Variants in KIRREL3 observed in about 807,000 individuals in gnomAD.
KIRREL3 encodes kirre like nephrin family adhesion molecule 3, also known as kin of IRRE-like protein 3.
Under a neutral mutation model 89.7 loss-of-function variants are expected in KIRREL3, and 36 were observed. The observed-to-expected ratio is 0.40, with a 90% CI of 0.31 to 0.53. The LOEUF (loss-of-function observed/expected upper bound fraction) is 0.53. Among genes scored for constraint, KIRREL3 ranks in the 20% least tolerant of loss-of-function variants. KIRREL3 has a pLI of 0.49. For synonymous variants in KIRREL3, 445 were observed against 441.4 expected (o/e 1.01, Z -0.10); for missense variants, 864 against 1,056.6 (o/e 0.82, Z 2.53).
intron 1 of KIRREL3, among the ~76,000 whole-genome samples, chr11:126,901,524 A>G (rs894193300): frequency 6.6e-6 from 1 of 152,170 alleles, no homozygotes; most frequent in Non-Finnish European, 1.5e-5. Flanking sequence ...CAATTCAGTG[A>G]GCAACGATGG....
chr11:126,811,775 T>C lies in KIRREL3; in HGVS notation c.55+188680A>G, dbSNP rs371213730. Among the ~76,000 whole-genome samples the C allele has an allele frequency of 8.6e-5, 13 of 152,014 alleles. No homozygotes were observed. Among genetic ancestry groups the C allele is most frequent in the African/African-American group, 2.7e-4 (11 of 41,390 alleles). On this transcript the variant is annotated intron_variant, in intron 1 of 16. Coordinates refer to ENST00000525144, the MANE Select transcript of KIRREL3 (RefSeq NM_032531.4). The surrounding 1 kb of genome is among the most constrained non-coding windows in gnomAD (Gnocchi z 4.3). The stretch of plus-strand genomic sequence containing the variant: ...CTAATTTTTGTACCTTTAGTAGAGA[T>C]GGGGTTGCACTATATTGGCCAGGCT...
At chr11:126,439,083 T>C (rs1955464672) in intron 11 of KIRREL3, among the ~76,000 whole-genome samples, 1 of 152,210 alleles carries the variant, frequency 6.6e-6, no homozygotes, top group Non-Finnish European at 1.5e-5. Context: ...TTTAGATGGA[T>C]TTGAGTACAA....
At chr11:126,732,624 G>A (rs1948666222) in intron 1 of KIRREL3, among the ~76,000 whole-genome samples, 1 of 152,196 alleles carries the variant, frequency 6.6e-6, no homozygotes. Flanking sequence ...TTGAATTCCT[G>A]CTCTCTGGAG....
At chr11:126,732,773 G>C (rs980900460) in intron 1 of KIRREL3, among the ~76,000 whole-genome samples, 2 of 152,218 alleles carry the variant, frequency 1.3e-5, no homozygotes, top group Non-Finnish European at 2.9e-5. Flanking sequence ...AGACTCCAAG[G>C]AGAATTTGGG....
intron 1 of KIRREL3, among the ~76,000 whole-genome samples, chr11:126,701,237 C>A (rs1441264249): frequency 6.6e-6 from 1 of 152,130 alleles, no homozygotes; most frequent in Non-Finnish European, 1.5e-5. Flanking sequence ...GTGTGTGACA[C>A]CCCTTCATGA....
chr11:126,632,286 A>G (rs1944059517), intron 1 of KIRREL3, among the ~76,000 whole-genome samples: 1 of 152,212 alleles, frequency 6.6e-6, no homozygotes, highest in Admixed American at 6.5e-5. Context: ...TACAGAAAGA[A>G]TTGCCCTTGT....
chr11:126,774,183 T>TTTC (rs1491296081), intron 1 of KIRREL3, among the ~76,000 whole-genome samples: 25 of 105,134 alleles, frequency 2.4e-4, no homozygotes, highest in African/African-American at 9.2e-4. Flanking sequence ...TTTTTTTTTT[T>TTTC]AAATAAATGA....
At chr11:126,436,631 A>G (rs1279232974) in intron 12 of KIRREL3, among the ~76,000 whole-genome samples, 180 bp downstream of exon 12, 1 of 152,172 alleles carries the variant, frequency 6.6e-6, no homozygotes, top group African/African-American at 2.4e-5. Context: ...CCCTTGCTTC[A>G]GCGAGAGCCT....
intron 1 of KIRREL3, among the ~76,000 whole-genome samples, chr11:126,833,392 G>A (rs1247352684): frequency 6.6e-6 from 1 of 152,170 alleles, no homozygotes; most frequent in Admixed American, 6.5e-5. Context: ...GCAGGTCTGC[G>A]CAGCCAGATG....
rs1955673237 is a variant in KIRREL3, at chr11:126,443,610, A to T, written c.1252+1369T>A. On this transcript the variant is annotated intron_variant, in intron 10 of 16. Coordinates refer to ENST00000525144, the MANE Select transcript of KIRREL3 (RefSeq NM_032531.4). The surrounding 1 kb of genome is among the most constrained non-coding windows in gnomAD (Gnocchi z 7.3). ...GGGGAGAGGAATGGAAATGCGGGGC[A>T]GTGTGGGGGGAGCTGGTGAATGGAG... is the stretch of plus-strand genomic sequence containing the variant. Among the ~76,000 whole-genome samples the T allele has an allele frequency of 6.7e-6, 1 of 149,726 alleles. No individual in the cohort carries two copies. Among genetic ancestry groups the T allele is most frequent in the African/African-American group, 2.5e-5 (1 of 40,436 alleles).
At position 126,994,052 on chromosome 11, in the gene KIRREL3, CA is replaced by C. The variant is rs34667822; in HGVS notation, c.55+6402del. Among the ~76,000 whole-genome samples the C allele has an allele frequency of 0.098, 14,195 of 144,586 alleles. 1,268 individuals carry two copies. The highest frequency in any genetic ancestry group is 0.24 in the African/African-American group (9,646 of 39,962). The allele number at this position is 144,586 out of a possible 152,430, so 94.9% of individuals were successfully genotyped here. The stretch of plus-strand genomic sequence containing the variant: ...CCATTGCAGTTTTAGTTTCAATTAT[CA>C]AAAAAAAAAAATCAGCCTCAGATAA... On this transcript the variant is annotated intron_variant, in intron 1 of 16. Transcript: ENST00000525144. The surrounding 1 kb of genome is among the most constrained non-coding windows in gnomAD (Gnocchi z 5.2).
intron 1 of KIRREL3, among the ~76,000 whole-genome samples, chr11:126,831,143 T>G (rs1943592829): frequency 6.6e-6 from 1 of 152,230 alleles, no homozygotes; most frequent in African/African-American, 2.4e-5. Flanking sequence ...CAGTGATATT[T>G]ACTTTCAGGA....
intron 1 of KIRREL3, among the ~76,000 whole-genome samples, chr11:126,820,809 C>T (rs747676176): frequency 7.2e-5 from 11 of 152,062 alleles, no homozygotes; most frequent in African/African-American, 1.9e-4. Context: ...ACTCACTGGC[C>T]GTTATAGCTG....
rs1940371010 is a variant in KIRREL3 at position 126,564,535 on chromosome 11, C to A, written c.56-1623G>T. On this transcript the variant is annotated intron_variant, in intron 1 of 16. Coordinates refer to ENST00000525144, the MANE Select transcript of KIRREL3 (RefSeq NM_032531.4). The surrounding 1 kb of genome is among the most constrained non-coding windows in gnomAD (Gnocchi z 7.4). ...AGGGCACTGTTTCCAAAGGCACTCACTTCTCTTCCTTCCCCTCCACACTGG... is the reference window on the plus strand; with the variant it reads ...AGGGCACTGTTTCCAAAGGCACTCAATTCTCTTCCTTCCCCTCCACACTGG... Among the ~76,000 whole-genome samples the A allele has an allele frequency of 1.3e-5, 2 of 152,204 alleles. No homozygotes were observed. The highest frequency in any genetic ancestry group is 2.9e-5 in the Non-Finnish European group (2 of 68,040).
In KIRREL3 at chr11:126,795,805, T is replaced by TC. The variant is rs1565738020; in HGVS notation, c.55+204649_55+204650insG. On this transcript the variant is annotated intron_variant, in intron 1 of 16. Transcript: ENST00000525144. The surrounding 1 kb of genome is among the most constrained non-coding windows in gnomAD (Gnocchi z 4.1). The stretch of plus-strand genomic sequence containing the variant: ...GAGCCACTTCAACCACCAGTTCTTC[T>TC]TCCCCCTGTGCACCCCAAGAGCGTA... Among the ~76,000 whole-genome samples, 9 of 151,916 alleles carry TC rather than the reference T, an allele frequency of 5.9e-5. No individual in the cohort carries two copies. The highest frequency in any genetic ancestry group is 5.9e-4 in the East Asian group (3 of 5,068).
chr11:126,619,661 C>T (rs560404300), intron 1 of KIRREL3, among the ~76,000 whole-genome samples: 10 of 152,326 alleles, frequency 6.6e-5, no homozygotes, highest in African/African-American at 2.2e-4. Context: ...TAGGCATTGG[C>T]CAGGGTGCAC....
At chr11:126,646,541 C>T (rs189722649) in intron 1 of KIRREL3, among the ~76,000 whole-genome samples, 143 of 148,892 alleles carry the variant, frequency 9.6e-4, no homozygotes, top group African/African-American at 3.4e-3. Flanking sequence ...GTGGCATGAC[C>T]TCGGCTCACT....
Position 126,508,193 on chromosome 11 carries a change from C to T in KIRREL3, c.433+13122G>A, listed in dbSNP as rs1416082423. Among the ~76,000 whole-genome samples the T allele has an allele frequency of 1.3e-5, 2 of 152,186 alleles. No homozygotes were observed. The highest frequency in any genetic ancestry group is 4.8e-5 in the African/African-American group (2 of 41,440). On this transcript the variant is annotated intron_variant, in intron 4 of 16. Transcript: ENST00000525144. The surrounding 1 kb of genome is among the most constrained non-coding windows in gnomAD (Gnocchi z 4.9). ...CCTTTATATAAACATTTATAAACAC[C>T]TGGATCGACTTGTGAAAGTGTGACA...
Position 126,425,700 on chromosome 11 carries a change from C to G in KIRREL3, c.1831G>C (p.Asp611His), listed in dbSNP as rs754677545. 6.3e-7 allele frequency: 1 copy of G among 1,598,312 alleles called. No homozygotes were observed. The highest frequency in any genetic ancestry group is 8.5e-7 in the Non-Finnish European group (1 of 1,171,830). The change falls in exon 16 of 17, where the codon GAC becomes CAC. Residue 611 changes from aspartate to histidine, a missense_variant. Transcript: ENST00000525144. ...LMMDRGEFQQ[D>H]SVLKQLEVLK... ...ACCTCCAGCTGTTTCAGGACTGAGT[C>G]TTGCTGGAATTCACCCCGGTCCATC...
Sources: gnomAD v4.1 joint callset for allele counts (sites outside exome capture counted in the v4.1 genomes callset) on GRCh38, gnomAD v4.1.1 for gene constraint, Gnocchi (gnomAD v3.1) non-coding constraint, MANE v1.5 for transcripts, NCBI Gene and HGNC (gene_info 2026-07-23, HGNC 2026-07-21) for gene names.